The following FOXN2 variants were observed in gnomAD, a reference collection of about 807,000 sequenced individuals.
The protein encoded by FOXN2 is forkhead box N2.
Under a neutral mutation model 41.2 loss-of-function variants are expected in FOXN2, and 19 were observed. That is an observed-to-expected ratio of 0.46 (90% CI 0.32 to 0.68). FOXN2 has a LOEUF of 0.68. Among genes scored for constraint, FOXN2 ranks in the 30% least tolerant of loss-of-function variants. The pLI is 0.03. For synonymous variants in FOXN2, 195 were observed against 176.8 expected (o/e 1.10, Z -0.82); for missense variants, 587 against 509.4 (o/e 1.15, Z -1.47).
rs150535352 is a variant in FOXN2 at position 48,347,288 on chromosome 2, G to C, written c.537+537G>C. The stretch of plus-strand genomic sequence containing the variant: ...GTCACCCAGCCTGGAGTACAGTGGC[G>C]CGATCTCTGCTCACTGCAACCTCCG... On this transcript the variant is annotated intron_variant, in intron 3 of 6. Coordinates refer to ENST00000340553, the MANE Select transcript of FOXN2 (RefSeq NM_002158.4). 9.2e-3 allele frequency among the ~76,000 whole-genome samples: 1,340 copies of C among 145,304 alleles called. 26 individuals carry two copies. The highest frequency in any genetic ancestry group is 0.033 in the African/African-American group (1,301 of 38,914).
intron 1 of FOXN2, among the ~76,000 whole-genome samples, chr2:48,323,139 G>T (rs1194036187): frequency 2.6e-5 from 4 of 151,542 alleles, no homozygotes; most frequent in Admixed American, 2.6e-4. Flanking sequence ...TTTTTTATTG[G>T]TGTATCAATA....
At chr2:48,367,258 A>G (rs998259423) in intron 5 of FOXN2, among the ~76,000 whole-genome samples, 3 of 152,166 alleles carry the variant, frequency 2.0e-5, no homozygotes, top group South Asian at 2.1e-4. Flanking sequence ...TCACCTGTTT[A>G]AAAATATTAC....
At chr2:48,362,329 G>A (rs1231741822) in intron 4 of FOXN2, among the ~76,000 whole-genome samples, 1 of 152,174 alleles carries the variant, frequency 6.6e-6, no homozygotes, top group African/African-American at 2.4e-5. Flanking sequence ...ACTGTAGGAG[G>A]CCAAGGCAGG....
chr2:48,355,124 T>A (rs774586812), intron 3 of FOXN2, among the ~76,000 whole-genome samples: 12 of 152,192 alleles, frequency 7.9e-5, no homozygotes, highest in Non-Finnish European at 1.0e-4. Flanking sequence ...CACAGTGGTA[T>A]TATTTTTAGT....
intron 3 of FOXN2, among the ~76,000 whole-genome samples, chr2:48,352,085 G>C (rs1280052463): frequency 2.4e-5 from 3 of 123,742 alleles, no homozygotes; most frequent in African/African-American, 8.3e-5. Flanking sequence ...AGTTTTGAGA[G>C]CAAACCAGTG....
intron 2 of FOXN2, among the ~76,000 whole-genome samples, chr2:48,338,361 C>G (rs182787392): frequency 4.6e-5 from 7 of 151,498 alleles, no homozygotes; most frequent in Non-Finnish European, 8.8e-5. Flanking sequence ...ATGCTAAGGA[C>G]TGATGGTGGA....
intron 1 of FOXN2, among the ~76,000 whole-genome samples, chr2:48,316,497 A>C (rs879274995): frequency 6.6e-6 from 1 of 152,194 alleles, no homozygotes; most frequent in Non-Finnish European, 1.5e-5. Flanking sequence ...AACATACGTA[A>C]ATAAAATTAC....
At chr2:48,317,682 A>G (rs1482798419) in intron 1 of FOXN2, among the ~76,000 whole-genome samples, 1 of 120,656 alleles carries the variant, frequency 8.3e-6, no homozygotes, top group Non-Finnish European at 1.6e-5. Flanking sequence ...ATCTTGGCTC[A>G]CTGCAACCTC....
At chr2:48,341,964 GCT>G (rs1172489756) in intron 2 of FOXN2, among the ~76,000 whole-genome samples, 4 of 152,184 alleles carry the variant, frequency 2.6e-5, no homozygotes, top group African/African-American at 9.7e-5. Context: ...TTTGACTTGA[GCT>G]CTCTGATAAG....
intron 6 of FOXN2, 55 bp downstream of exon 6, chr2:48,373,415 CTA>C: frequency 9.8e-7 from 1 of 1,017,436 alleles, no homozygotes. Context: ...CAAATTTAAC[CTA>C]GACTATAAAA....
At chr2:48,330,925 T>C in intron 2 of FOXN2, among the ~76,000 whole-genome samples, 1 of 152,196 alleles carries the variant, frequency 6.6e-6, no homozygotes, top group Non-Finnish European at 1.5e-5. Flanking sequence ...AGGTTAATTA[T>C]TCCTTGCTTA....
At chr2:48,334,980 A>G (rs1192843965) in intron 2 of FOXN2, among the ~76,000 whole-genome samples, 1 of 152,222 alleles carries the variant, frequency 6.6e-6, no homozygotes, top group African/African-American at 2.4e-5. Flanking sequence ...AGAATTTAAA[A>G]TGATCCTGGG....
At chr2:48,346,153 G>T (rs1671083965) in intron 2 of FOXN2, 48 bp from the exon 3 acceptor site, 2 of 1,480,684 alleles carry the variant, frequency 1.4e-6, no homozygotes, top group Non-Finnish European at 1.8e-6. Context: ...TTTTCCCAGA[G>T]TTTAAGAATC....
chr2:48,323,027 C>A (rs900459617), intron 1 of FOXN2, among the ~76,000 whole-genome samples: 21 of 151,652 alleles, frequency 1.4e-4, no homozygotes, highest in African/African-American at 5.1e-4. Flanking sequence ...GAGACATATT[C>A]TTCTAAACAT....
chr2:48,363,130 C>G (rs533082139), intron 5 of FOXN2, among the ~76,000 whole-genome samples: 1 of 152,078 alleles, frequency 6.6e-6, no homozygotes, highest in African/African-American at 2.4e-5. Context: ...GATGACAGCT[C>G]TCTGTGTTTA....
chr2:48,334,603 G>A (rs903549274), intron 2 of FOXN2, among the ~76,000 whole-genome samples: 2 of 152,148 alleles, frequency 1.3e-5, no homozygotes, highest in African/African-American at 4.8e-5. Context: ...TCAGTGCTCT[G>A]GCGCAAAGGG....
intron 2 of FOXN2, among the ~76,000 whole-genome samples, chr2:48,331,203 A>G (rs887913034): frequency 4.6e-5 from 7 of 152,168 alleles, no homozygotes; most frequent in Admixed American, 2.0e-4. Flanking sequence ...TGACTATTGT[A>G]TTTTGTTTTG....
intron 3 of FOXN2, among the ~76,000 whole-genome samples, chr2:48,357,569 T>G (rs1671882862): frequency 6.6e-6 from 1 of 151,672 alleles, no homozygotes; most frequent in Admixed American, 6.6e-5. Context: ...CCTGAATAGC[T>G]GAGACTATAG....
At chr2:48,335,889 G>A (rs1209580251) in intron 2 of FOXN2, among the ~76,000 whole-genome samples, 2 of 151,774 alleles carry the variant, frequency 1.3e-5, no homozygotes, top group Admixed American at 6.6e-5. Context: ...TTAGCCAGGC[G>A]TGGTGGCAGG....
Sources: allele counts gnomAD v4.1 joint callset (sites outside exome capture counted in the v4.1 genomes callset), GRCh38; gene constraint gnomAD v4.1.1; transcripts MANE v1.5; gene names NCBI Gene and HGNC (gene_info 2026-07-23, HGNC 2026-07-21).